The following RBM47 variants were observed in gnomAD, a reference collection of about 807,000 sequenced individuals.
The protein encoded by RBM47 is RNA-binding protein 47.
RBM47 carries 21 observed loss-of-function variants against 47.1 expected under a neutral mutation model. The ratio of observed to expected loss-of-function variants is 0.45; its 90% CI spans 0.32 to 0.64. The LOEUF is 0.64. Among genes scored for constraint, RBM47 ranks in the 30% least tolerant of loss-of-function variants. The pLI is 0.05. For synonymous variants in RBM47, 375 were observed against 361.7 expected, an observed-to-expected ratio of 1.04 and a Z score of -0.42; for missense variants, 708 against 870.9, an observed-to-expected ratio of 0.81 and a Z score of 2.35.
At chr4:40,583,716 G>A (rs1733232064) in intron 1 of RBM47, among the ~76,000 whole-genome samples, 1 of 151,626 alleles carries the variant, frequency 6.6e-6, no homozygotes, top group South Asian at 2.1e-4. Flanking sequence ...AAATTAGCCG[G>A]GCGCGGTGGC....
chr4:40,607,263 C>T (rs899239129), intron 1 of RBM47, among the ~76,000 whole-genome samples: 2 of 151,988 alleles, frequency 1.3e-5, no homozygotes, highest in Non-Finnish European at 2.9e-5. Context: ...CATGAGAGGC[C>T]ACATATCGTA....
At chr4:40,512,774 G>A (rs1003109583) in intron 2 of RBM47, among the ~76,000 whole-genome samples, 35 of 151,296 alleles carry the variant, frequency 2.3e-4, no homozygotes, top group Non-Finnish European at 3.4e-4. Flanking sequence ...AAAAGAAAAA[G>A]TGTGCTTTTA....
At chr4:40,507,603 A>G (rs1724294371) in intron 2 of RBM47, among the ~76,000 whole-genome samples, 1 of 152,076 alleles carries the variant, frequency 6.6e-6, no homozygotes, top group South Asian at 2.1e-4. Context: ...CCTGGCCAAG[A>G]TGGTGAAACC....
intron 1 of RBM47, among the ~76,000 whole-genome samples, chr4:40,571,617 A>T (rs986885534): frequency 1.6e-4 from 25 of 152,008 alleles, no homozygotes; most frequent in African/African-American, 4.8e-4. Flanking sequence ...AATTTTTTTT[A>T]AAAAATACAA....
rs373031446 is a variant in RBM47 at position 40,606,688 on chromosome 4, A to G, written c.-240+22708T>C. ...AAATTGCTTTACCTCTTTGTGCCTC[A>G]TTTGCCATCTAGTAGGGTTGTGATG... On this transcript the variant is annotated intron_variant, in intron 1 of 6. Transcript: ENST00000295971. Among the ~76,000 whole-genome samples the G allele has an allele frequency of 4.0e-4, 61 of 151,322 alleles. No homozygotes were observed. In the East Asian group the frequency reaches 0.011, roughly 27 times the overall value.
At chr4:40,442,557 A>G (rs1250124677) in intron 3 of RBM47, among the ~76,000 whole-genome samples, 1 of 152,224 alleles carries the variant, frequency 6.6e-6, no homozygotes, top group Non-Finnish European at 1.5e-5. Flanking sequence ...TACTTGTATA[A>G]TGATGTTCAC....
At chr4:40,535,790 C>G (rs1159920694) in intron 2 of RBM47, among the ~76,000 whole-genome samples, 1 of 152,120 alleles carries the variant, frequency 6.6e-6, no homozygotes, top group South Asian at 2.1e-4. Flanking sequence ...GAACTCCTGA[C>G]CTTATGATCC....
intron 1 of RBM47, among the ~76,000 whole-genome samples, chr4:40,587,167 A>C (rs554417330): frequency 1.3e-3 from 202 of 152,236 alleles, no homozygotes; most frequent in African/African-American, 4.6e-3. Flanking sequence ...GCTGAGGAGG[A>C]GGAGGAAGAT....
chr4:40,506,525 C>T (rs1430976397), intron 2 of RBM47, among the ~76,000 whole-genome samples: 1 of 152,188 alleles, frequency 6.6e-6, no homozygotes, highest in South Asian at 2.1e-4. Context: ...ACAGAGAAAG[C>T]CACTGCACTG....
At chr4:40,591,754 GAGTAATAGGT>G (rs1734158000) in intron 1 of RBM47, among the ~76,000 whole-genome samples, 1 of 152,102 alleles carries the variant, frequency 6.6e-6, no homozygotes, top group Non-Finnish European at 1.5e-5. Flanking sequence ...TTACCCTAAT[GAGTAATAGGT>G]TCTACCTGAG....
intron 2 of RBM47, among the ~76,000 whole-genome samples, chr4:40,524,477 TTC>T (rs1202894755): frequency 1.3e-5 from 2 of 152,238 alleles, no homozygotes; most frequent in South Asian, 2.1e-4. Flanking sequence ...GTTGCTCATC[TTC>T]TCTCTGTTTC....
chr4:40,447,527 T>C (rs1008568768), intron 3 of RBM47, among the ~76,000 whole-genome samples: 1 of 152,204 alleles, frequency 6.6e-6, no homozygotes, highest in Non-Finnish European at 1.5e-5. Context: ...ATATTATCAA[T>C]GTTTACATAC....
At chr4:40,561,482 C>G (rs937452386) in intron 1 of RBM47, among the ~76,000 whole-genome samples, 57 of 151,934 alleles carry the variant, frequency 3.8e-4, no homozygotes, top group Non-Finnish European at 7.5e-4. Context: ...CCTTGCCCTA[C>G]CAAAGTGCTG....
At chr4:40,577,015 G>T (rs1732400126) in intron 1 of RBM47, among the ~76,000 whole-genome samples, 1 of 151,906 alleles carries the variant, frequency 6.6e-6, no homozygotes, top group East Asian at 1.9e-4. Flanking sequence ...CTCAAGCCAG[G>T]AGAAAAAAAG....
At chr4:40,616,267 T>C (rs986785224) in intron 1 of RBM47, among the ~76,000 whole-genome samples, 11 of 147,354 alleles carry the variant, frequency 7.5e-5, no homozygotes, top group Non-Finnish European at 1.3e-4. Context: ...GGCAGGAGAA[T>C]GGCGTGAACC....
At chr4:40,427,057 G>A (rs888426478) in intron 6 of RBM47, 1 of 152,168 alleles carries the variant, frequency 6.6e-6, no homozygotes, top group African/African-American at 2.4e-5. Flanking sequence ...GACAGAGAGA[G>A]GAACAGACTG....
At chr4:40,471,449 G>A (rs139310413) in intron 2 of RBM47, among the ~76,000 whole-genome samples, 21 of 152,142 alleles carry the variant, frequency 1.4e-4, no homozygotes, top group African/African-American at 4.6e-4. Flanking sequence ...TGTAATCCCA[G>A]CACTTTGGGA....
intron 2 of RBM47, among the ~76,000 whole-genome samples, chr4:40,522,780 C>T (rs979957167): frequency 6.6e-6 from 1 of 152,028 alleles, no homozygotes; most frequent in African/African-American, 2.4e-5. Flanking sequence ...ACATGATCTT[C>T]TCTTTATCTA....
At chr4:40,445,126 T>G (rs372843227) in intron 3 of RBM47, among the ~76,000 whole-genome samples, 1 of 151,364 alleles carries the variant, frequency 6.6e-6, no homozygotes, top group African/African-American at 2.4e-5. Context: ...TAGAAAAAAT[T>G]AGCTGGGTGT....
Sources: gnomAD v4.1 joint callset for allele counts (sites outside exome capture counted in the v4.1 genomes callset) on GRCh38, gnomAD v4.1.1 for gene constraint, MANE v1.5 for transcripts, NCBI Gene and HGNC (gene_info 2026-07-23, HGNC 2026-07-21) for gene names.